The following ARHGEF7 variants were observed in gnomAD, a reference collection of about 807,000 sequenced individuals.
ARHGEF7 encodes the protein PAK-interacting exchange factor beta.
A neutral mutation model predicts 109.8 loss-of-function variants in ARHGEF7; 33 were observed. The observed-to-expected ratio is 0.30, with a 90% CI of 0.23 to 0.40. The LOEUF is 0.40. Among genes scored for constraint, ARHGEF7 ranks in the 10% least tolerant of loss-of-function variants. The pLI is 1.00. For synonymous variants in ARHGEF7, 458 were observed against 424.6 expected, an observed-to-expected ratio of 1.08 and a Z score of -0.97; for missense variants, 938 against 1,098.5, an observed-to-expected ratio of 0.85 and a Z score of 2.07.
chr13:111,296,411 T>C (rs1340888832), intron 19 of ARHGEF7, among the ~76,000 whole-genome samples: 1 of 152,174 alleles, frequency 6.6e-6, no homozygotes, highest in Non-Finnish European at 1.5e-5. Flanking sequence ...CAGCAGCCCC[T>C]GAGAGTGGAA....
intron 2 of ARHGEF7, among the ~76,000 whole-genome samples, chr13:111,184,197 C>T (rs1196797201): frequency 2.6e-5 from 4 of 152,192 alleles, no homozygotes; most frequent in African/African-American, 4.8e-5. Flanking sequence ...TCTCGTTGTC[C>T]TGTGAAGAGG....
At chr13:111,274,251 A>T (rs1001097665) in intron 10 of ARHGEF7, among the ~76,000 whole-genome samples, 1 of 152,242 alleles carries the variant, frequency 6.6e-6, no homozygotes, top group East Asian at 1.9e-4. Context: ...GCTACAAACA[A>T]TGTGTGCATA....
intron 2 of ARHGEF7, among the ~76,000 whole-genome samples, chr13:111,160,769 A>G (rs892180107): frequency 6.6e-6 from 1 of 152,038 alleles, no homozygotes; most frequent in Non-Finnish European, 1.5e-5. Flanking sequence ...AGGAGATCTG[A>G]TGGTTTTATA....
chr13:111,186,713 A>C, intron 2 of ARHGEF7: 1 of 636,828 alleles, frequency 1.6e-6, no homozygotes, highest in Non-Finnish European at 2.0e-6. Context: ...TAAAAATAAC[A>C]ATTTCTTGTG....
intron 1 of ARHGEF7, among the ~76,000 whole-genome samples, chr13:111,141,090 C>T (rs2075323638): frequency 6.6e-6 from 1 of 152,124 alleles, no homozygotes; most frequent in Non-Finnish European, 1.5e-5. Flanking sequence ...CACTTTCCCC[C>T]ATTATTAACA....
intron 6 of ARHGEF7, chr13:111,241,011 G>A (rs986151938): frequency 1.3e-6 from 1 of 773,840 alleles, no homozygotes; most frequent in Non-Finnish European, 1.9e-6. Flanking sequence ...CGAATAAAGT[G>A]TCTGTGTCTG....
intron 6 of ARHGEF7, among the ~76,000 whole-genome samples, chr13:111,233,736 A>G (rs2086413762): frequency 6.6e-6 from 1 of 152,230 alleles, no homozygotes; most frequent in Non-Finnish European, 1.5e-5. Context: ...TGATGTGTAC[A>G]TATCACATGG....
In ARHGEF7 at chr13:111,180,569, A is replaced by G. The variant is rs1305089115; in HGVS notation, c.253-24720A>G. Among the ~76,000 whole-genome samples the G allele has an allele frequency of 5.9e-5, 9 of 152,228 alleles. No homozygotes were observed. The East Asian group carries it at 1.3e-3, about 23-fold the overall frequency. On this transcript the variant is annotated intron_variant, in intron 2 of 21. Transcript: ENST00000646102. The stretch of plus-strand genomic sequence containing the variant: ...CAGAAGCCCCAGAAGGCTGTGTTGT[A>G]AGGCAGAGATAGTGATCACACTACA...
At chr13:111,216,460 A>G (rs1266039098) in intron 4 of ARHGEF7, among the ~76,000 whole-genome samples, 1 of 151,556 alleles carries the variant, frequency 6.6e-6, no homozygotes, top group Non-Finnish European at 1.5e-5. Flanking sequence ...ACTGGTGGGG[A>G]TAGAGGCCTG....
At chr13:111,299,263 G>C (rs995957149) in intron 19 of ARHGEF7, among the ~76,000 whole-genome samples, 3 of 151,972 alleles carry the variant, frequency 2.0e-5, no homozygotes, top group Non-Finnish European at 2.9e-5. Flanking sequence ...GACATCTTAA[G>C]CTTTGGCATC....
rs547394546 is a variant in ARHGEF7 at position 111,258,232 on chromosome 13, G to T, written c.951-9316G>T. Among the ~76,000 whole-genome samples the T allele has an allele frequency of 6.3e-4, 96 of 151,664 alleles. No homozygotes were observed. Among genetic ancestry groups the T allele is most frequent in the African/African-American group, 2.3e-3 (94 of 41,360 alleles). ...TCCTCCCACAACCACAGGCAGTGCA[G>T]CCTGCAGCTCCAGGAGAGACTCCTC... On this transcript the variant is annotated intron_variant, in intron 8 of 21. Transcript: ENST00000646102. This position sits in a 1 kb window ranked among gnomAD's most constrained non-coding sequence, Gnocchi z 4.4.
chr13:111,251,171 G>C (rs1444523239), intron 8 of ARHGEF7, among the ~76,000 whole-genome samples: 1 of 152,156 alleles, frequency 6.6e-6, no homozygotes. Context: ...GCATAGACTC[G>C]GGTATGACGG....
At chr13:111,125,899 A>G (rs572949003) in intron 1 of ARHGEF7, among the ~76,000 whole-genome samples, 1 of 152,350 alleles carries the variant, frequency 6.6e-6, no homozygotes, top group South Asian at 2.1e-4. Flanking sequence ...AGAATGCTAC[A>G]GTGATTTTGA....
intron 1 of ARHGEF7, among the ~76,000 whole-genome samples, chr13:111,129,976 G>A (rs954331327): frequency 6.6e-6 from 1 of 152,218 alleles, no homozygotes; most frequent in African/African-American, 2.4e-5. Context: ...AAATAATGCA[G>A]ATGTTTTACA....
At chr13:111,233,021 C>T (rs2086311702) in intron 5 of ARHGEF7, among the ~76,000 whole-genome samples, 184 bp from the exon 6 acceptor site, 1 of 151,976 alleles carries the variant, frequency 6.6e-6, no homozygotes, top group Non-Finnish European at 1.5e-5. Flanking sequence ...CTTGGTGAGC[C>T]GAGCCTGAGG....
Position 111,255,319 on chromosome 13 carries a change from A to G in ARHGEF7, c.950+11025A>G, listed in dbSNP as rs2090289778. Among the ~76,000 whole-genome samples, 1 of 152,246 alleles carries G rather than the reference A, an allele frequency of 6.6e-6. No homozygotes were observed. Among genetic ancestry groups the G allele is most frequent in the Admixed American group, 6.5e-5 (1 of 15,286 alleles). On this transcript the variant is annotated intron_variant, in intron 8 of 21. Transcript: ENST00000646102. This position sits in a 1 kb window ranked among gnomAD's most constrained non-coding sequence, Gnocchi z 4.1. ...GAGCTGCAGACTTCCCACCCGGCCTACTGCATGTGTGGGAAGAGGTGTGGC... is the reference window on the plus strand; with the variant it reads ...GAGCTGCAGACTTCCCACCCGGCCTGCTGCATGTGTGGGAAGAGGTGTGGC...
intron 1 of ARHGEF7, among the ~76,000 whole-genome samples, chr13:111,119,703 C>A (rs183821356): frequency 9.9e-5 from 15 of 152,280 alleles, no homozygotes; most frequent in Admixed American, 3.3e-4. Context: ...ATCAGCAAAT[C>A]TGATGTTGCA....
Position 111,282,594 on chromosome 13 carries a change from T to C in ARHGEF7, c.1726-545T>C, listed in dbSNP as rs114332824. Among the ~76,000 whole-genome samples the C allele has an allele frequency of 6.7e-3, 1,021 of 152,358 alleles. 7 individuals carry two copies. Among genetic ancestry groups the C allele is most frequent in the African/African-American group, 0.023 (967 of 41,582 alleles). On this transcript the variant is annotated intron_variant, in intron 15 of 21. Coordinates refer to ENST00000646102, the MANE Select transcript of ARHGEF7 (RefSeq NM_001354046.2). Reference sequence around the variant, plus strand: ...AGGTTCAGGCCTCTTGCAGCTGTACTCTGCCCTTGGAACACAACAGCAGTT... The same window carrying C: ...AGGTTCAGGCCTCTTGCAGCTGTACCCTGCCCTTGGAACACAACAGCAGTT...
intron 19 of ARHGEF7, chr13:111,292,597 C>T (rs1323481228): frequency 1.6e-6 from 2 of 1,261,276 alleles, no homozygotes; most frequent in African/African-American, 3.0e-5. Flanking sequence ...TTTTATAGCT[C>T]CAAATGGTTT....
Sources: allele counts gnomAD v4.1 joint callset (sites outside exome capture counted in the v4.1 genomes callset), GRCh38; gene constraint gnomAD v4.1.1; non-coding constraint Gnocchi (gnomAD v3.1); transcripts MANE v1.5; gene names NCBI Gene and HGNC (gene_info 2026-07-23, HGNC 2026-07-21).